Variants in IFT81 observed in about 807,000 individuals in gnomAD.
The protein encoded by IFT81 is intraflagellar transport protein 81 homolog.
A neutral mutation model predicts 102.6 loss-of-function variants in IFT81; 72 were observed. That is an observed-to-expected ratio of 0.70 (90% CI 0.58 to 0.85). IFT81 has a LOEUF of 0.85. Ranked by LOEUF, IFT81 falls within the 40% of genes least tolerant of loss-of-function variation. The pLI is 0.00. For synonymous variants in IFT81, 237 were observed against 242.7 expected (o/e 0.98, Z 0.22); for missense variants, 723 against 787.3 (o/e 0.92, Z 0.98).
chr12:110,180,409 G>GT lies in IFT81; in HGVS notation c.1189-5dup, dbSNP rs762110216. Reference sequence around the variant, plus strand: ...TTCTACTCATTAGATTACATATTGTGTTTTTTTTACAGTTCAAACGATATG... The same window carrying GT: ...TTCTACTCATTAGATTACATATTGTGTTTTTTTTTACAGTTCAAACGATATG... On this transcript the variant is annotated splice_polypyrimidine_tract_variant and intron_variant, in intron 11 of 18. Transcript: ENST00000242591. 1.2e-4 allele frequency: 189 copies of GT among 1,542,452 alleles called. No individual in the cohort carries two copies. The highest frequency in any genetic ancestry group is 1.7e-4 in the Middle Eastern group (1 of 5,782).
At position 110,184,526 on chromosome 12, in the gene IFT81, C is replaced by A. The variant is rs1443287916; in HGVS notation, c.1338+3955C>A. Among the ~76,000 whole-genome samples the A allele has an allele frequency of 5.3e-5, 8 of 152,172 alleles. No individual in the cohort carries two copies. In the East Asian group the frequency reaches 1.5e-3, roughly 29 times the overall value. On this transcript the variant is annotated intron_variant, in intron 12 of 18. Transcript: ENST00000242591. Reference sequence around the variant, plus strand: ...AGTGCATCTTTGTATCAGTTCAGATCCTCCAAGAAGCAGACACTGAGATGG... The same window carrying A: ...AGTGCATCTTTGTATCAGTTCAGATACTCCAAGAAGCAGACACTGAGATGG...
Position 110,191,013 on chromosome 12 carries a change from A to T in IFT81, c.1432A>T (p.Met478Leu). 6.2e-7 allele frequency: 1 copy of T among 1,610,458 alleles called. No individual in the cohort carries two copies. ...TGCACTGAAGAGTGAAGTTGATGAAATGAAAGGACGAACATTGGATGATAT... is the reference window on the plus strand; with the variant it reads ...TGCACTGAAGAGTGAAGTTGATGAATTGAAAGGACGAACATTGGATGATAT... ...VSALKSEVDE[M>L]KGRTLDDMSE... The change falls in exon 13 of 19, where the codon ATG (methionine) becomes TTG (leucine). Residue 478 changes from methionine to leucine, a missense_variant. By Grantham distance (15) the Met-to-Leu change is conservative. Coordinates refer to ENST00000242591, the MANE Select transcript of IFT81 (RefSeq NM_014055.4).
intron 5 of IFT81, among the ~76,000 whole-genome samples, chr12:110,132,970 C>CT (rs11349893): frequency 0.059 from 7,346 of 124,892 alleles, 327 homozygotes; most frequent in African/African-American, 0.12. Flanking sequence ...CTTTCTCTCT[C>CT]TTTTTTTTTT....
At chr12:110,179,030 A>G (rs1897170928) in intron 11 of IFT81, among the ~76,000 whole-genome samples, 1 of 152,038 alleles carries the variant, frequency 6.6e-6, no homozygotes, top group Non-Finnish European at 1.5e-5. Context: ...TATTAGTTAT[A>G]ACTTTGATAT....
chr12:110,191,109 T>C (rs1897777898), intron 13 of IFT81, 61 bp downstream of exon 13: 4 of 1,418,938 alleles, frequency 2.8e-6, no homozygotes, highest in Non-Finnish European at 3.8e-6. Context: ...GTGTTTTGTG[T>C]TAGTTTTATT....
intron 11 of IFT81, among the ~76,000 whole-genome samples, chr12:110,174,892 C>T (rs1448234274): frequency 6.6e-6 from 1 of 152,192 alleles, no homozygotes; most frequent in African/African-American, 2.4e-5. Flanking sequence ...AAGCATTAGT[C>T]CATTACAAAA....
At chr12:110,135,861 T>C (rs1005207835) in intron 7 of IFT81, among the ~76,000 whole-genome samples, 6 of 135,244 alleles carry the variant, frequency 4.4e-5, no homozygotes, top group African/African-American at 1.5e-4. Context: ...AGTGAGACTT[T>C]GTCTGAAAAA....
chr12:110,197,326 G>A (rs1898049949), intron 14 of IFT81, among the ~76,000 whole-genome samples: 1 of 151,910 alleles, frequency 6.6e-6, no homozygotes, highest in African/African-American at 2.4e-5. Flanking sequence ...CTTACATCCA[G>A]TTTGAGAATC....
rs1870417344 is a variant in IFT81, at chr12:110,218,405, G to T, written c.*179G>T. On this transcript the variant is annotated 3_prime_UTR_variant, in exon 19 of 19. Coordinates refer to ENST00000242591, the MANE Select transcript of IFT81 (RefSeq NM_014055.4). Reference sequence around the variant, plus strand: ...ATTTAGTTTGAATGTTTTTTCATATGAAAAAGAGGCTTTTATTCTTTTCCA... The same window carrying T: ...ATTTAGTTTGAATGTTTTTTCATATTAAAAAGAGGCTTTTATTCTTTTCCA... 1 of 457,806 alleles carries T rather than the reference G, an allele frequency of 2.2e-6. No individual in the cohort carries two copies. Among genetic ancestry groups the T allele is most frequent in the Admixed American group, 4.0e-5 (1 of 25,064 alleles). 28.4% of individuals were successfully genotyped at this position (457,806 alleles called of 1,614,324 possible). A position where few individuals can be genotyped will look rare whatever the true frequency, so the allele number is the denominator to read the frequency against.
At chr12:110,207,327 T>A (rs1054540233) in intron 17 of IFT81, among the ~76,000 whole-genome samples, 2 of 152,168 alleles carry the variant, frequency 1.3e-5, no homozygotes, top group Admixed American at 6.5e-5. Flanking sequence ...CCCAGAGTGC[T>A]GGGATTACAG....
chr12:110,203,787 A>G (rs1421778506), intron 14 of IFT81, 77 bp from the exon 15 acceptor site: 4 of 885,130 alleles, frequency 4.5e-6, no homozygotes, highest in Non-Finnish European at 7.6e-6. Context: ...AAGACTGACA[A>G]GGGCATGCAT....
chr12:110,161,828 TA>T (rs1485198839), intron 10 of IFT81, among the ~76,000 whole-genome samples: 1 of 152,020 alleles, frequency 6.6e-6, no homozygotes, highest in Non-Finnish European at 1.5e-5. Flanking sequence ...TTCATTTTCT[TA>T]AAAAAAGGAC....
At chr12:110,135,150 A>T in intron 6 of IFT81, 137 bp downstream of exon 6, 2 of 760,502 alleles carry the variant, frequency 2.6e-6, no homozygotes, top group Non-Finnish European at 4.3e-6. Flanking sequence ...CGAAAAGGGA[A>T]TCTCTCTAGA....
At position 110,180,528 on chromosome 12, in the gene IFT81, A is replaced by G. The variant is rs781677954; in HGVS notation, c.1295A>G (p.Glu432Gly). 6.2e-7 allele frequency: 1 copy of G among 1,609,616 alleles called. No individual in the cohort carries two copies. The highest frequency in any genetic ancestry group is 8.5e-7 in the Non-Finnish European group (1 of 1,176,714). The change falls in exon 12 of 19, where the codon GAA becomes GGA. Residue 432 changes from glutamate to glycine, a missense_variant. Physicochemically the swap from Glu to Gly is moderately conservative, Grantham distance 98. Transcript: ENST00000242591. ...GAATTCGGTCTTTTGCAGAGGACTG[A>G]AGAACTTCTTAAGCAACGTCATGAA... ...KAEFGLLQRT[E>G]ELLKQRHENI...
chr12:110,162,997 A>G lies in IFT81; in HGVS notation c.1120A>G (p.Arg374Gly), dbSNP rs1429462258. ...CAAGGAGAAGTTAGCCAGCCTAGAGAGAGAAGCATCAGTAAAGAGAAATCA... is the reference window on the plus strand; with the variant it reads ...CAAGGAGAAGTTAGCCAGCCTAGAGGGAGAAGCATCAGTAAAGAGAAATCA... ...EAKEKLASLE[R>G]EASVKRNQTR... The change falls in exon 11 of 19, where the codon AGA becomes GGA. Residue 374 changes from arginine (R) to glycine (G), a missense_variant. Transcript: ENST00000242591. The G allele has an allele frequency of 1.9e-6, 3 of 1,614,048 alleles. No individual in the cohort carries two copies. Among genetic ancestry groups the G allele is most frequent in the African/African-American group, 2.7e-5 (2 of 75,030 alleles).
At position 110,162,965 on chromosome 12, in the gene IFT81, A is replaced by G. The variant is rs1896218814; in HGVS notation, c.1088A>G (p.Gln363Arg). Residue 363 changes from glutamine (Q) to arginine (R), a missense_variant, in exon 11 of 19, where the codon CAG becomes CGG. Gln to Arg is a conservative substitution (Grantham distance 43, BLOSUM62 1). Coordinates refer to ENST00000242591, the MANE Select transcript of IFT81 (RefSeq NM_014055.4). ...RKKEAKAEELQEAKEKLASLE... is the reference protein window; with the variant it reads ...RKKEAKAEELREAKEKLASLE... ...AAAGAAGCCAAAGCTGAGGAACTTC[A>G]GGAGGCCAAGGAGAAGTTAGCCAGC... The G allele has an allele frequency of 1.9e-6, 3 of 1,613,750 alleles. No individual in the cohort carries two copies. Among genetic ancestry groups the G allele is most frequent in the Non-Finnish European group, 1.7e-6 (2 of 1,179,850 alleles).
At chr12:110,141,859 G>A (rs1036492698) in intron 8 of IFT81, among the ~76,000 whole-genome samples, 20 of 152,284 alleles carry the variant, frequency 1.3e-4, no homozygotes, top group African/African-American at 4.6e-4. Flanking sequence ...ACTCCAGCCT[G>A]AGTGACAGAG....
intron 18 of IFT81, chr12:110,216,736 G>A: frequency 2.5e-6 from 1 of 392,240 alleles, no homozygotes; most frequent in Non-Finnish European, 5.0e-6. Context: ...ATGTTGGCCA[G>A]GCTGGTCTCG....
intron 11 of IFT81, among the ~76,000 whole-genome samples, chr12:110,179,763 T>C (rs1405124762): frequency 0.027 from 1,883 of 68,750 alleles, 119 homozygotes; most frequent in African/African-American, 0.097. Flanking sequence ...TATATATATA[T>C]ATATATATAT....
Sources: gnomAD v4.1 joint callset for allele counts (sites outside exome capture counted in the v4.1 genomes callset) on GRCh38, gnomAD v4.1.1 for gene constraint, MANE v1.5 for transcripts, NCBI Gene and HGNC (gene_info 2026-07-23, HGNC 2026-07-21) for gene names.